Variants in CPM observed in about 807,000 individuals in gnomAD.
CPM encodes the protein carboxypeptidase M, also known as renal carboxypeptidase.
In CPM, 35 loss-of-function variants were observed where a neutral mutation model predicts 46.4. The ratio of observed to expected loss-of-function variants is 0.75; its 90% CI spans 0.58 to 1.00. The LOEUF (loss-of-function observed/expected upper bound fraction) is 1.00. Among genes scored for constraint, CPM ranks in the 50% least tolerant of loss-of-function variants. The probability of loss-of-function intolerance (pLI) is 0.00; values close to 1 mark genes in which losing one functional copy is unlikely to be tolerated. For missense variants in CPM, 422 were observed against 530.4 expected, an observed-to-expected ratio of 0.80 and a Z score of 2.01; for synonymous variants, 195 against 195.3, an observed-to-expected ratio of 1.00 and a Z score of 0.01.
chr12:68,919,636 C>T lies in CPM; in HGVS notation c.160+13042G>A, dbSNP rs114836664. Reference sequence around the variant, plus strand: ...CTTAGAAGTACATGTTCTTACAACTCGAAAGATGGCCAAGTCCAACTAAAA... The same window carrying T: ...CTTAGAAGTACATGTTCTTACAACTTGAAAGATGGCCAAGTCCAACTAAAA... On this transcript the variant is annotated intron_variant, in intron 2 of 8. Transcript: ENST00000551568. Among the ~76,000 whole-genome samples, 776 of 152,266 alleles carry T rather than the reference C, an allele frequency of 5.1e-3. 2 individuals carry two copies. Among genetic ancestry groups the T allele is most frequent in the African/African-American group, 0.016 (671 of 41,554 alleles).
At chr12:68,942,257 G>A (rs1050528986) in intron 1 of CPM, among the ~76,000 whole-genome samples, 9 of 152,142 alleles carry the variant, frequency 5.9e-5, no homozygotes, top group African/African-American at 2.2e-4. Context: ...TATTTTGGAT[G>A]TGCAACTGTA....
At chr12:68,960,340 A>G (rs1447323373) in intron 1 of CPM, among the ~76,000 whole-genome samples, 1 of 152,254 alleles carries the variant, frequency 6.6e-6, no homozygotes, top group Non-Finnish European at 1.5e-5. Context: ...ACATCCAACT[A>G]TTTAAAACTT....
chr12:68,843,440 T>C (rs1883980401), intron 5 of CPM: 4 of 229,262 alleles, frequency 1.7e-5, no homozygotes, highest in Non-Finnish European at 2.6e-5. Context: ...ACATACACCA[T>C]ATTTACAATT....
chr12:68,857,058 A>T (rs1189307140), intron 8 of CPM, among the ~76,000 whole-genome samples: 1 of 152,194 alleles, frequency 6.6e-6, no homozygotes, highest in Non-Finnish European at 1.5e-5. Flanking sequence ...TTGGATATCA[A>T]GATTATTTTC....
At position 68,885,573 on chromosome 12, in the gene CPM, AG is replaced by A. The variant is rs530428608; in HGVS notation, c.258+218del. Reference sequence around the variant, plus strand: ...CAAAACAAGCTCCAGCTACTCTGACAGGGTGCTGGGTACACAACCATACAGC... The same window carrying A: ...CAAAACAAGCTCCAGCTACTCTGACAGGTGCTGGGTACACAACCATACAGC... On this transcript the variant is annotated intron_variant, in intron 3 of 8. Coordinates refer to ENST00000551568, the MANE Select transcript of CPM (RefSeq NM_198320.5). Among the ~76,000 whole-genome samples, 31 of 152,314 alleles carry A rather than the reference AG, an allele frequency of 2.0e-4. No homozygotes were observed. The East Asian group carries it at 5.8e-3, about 29-fold the overall frequency.
At chr12:68,867,648 A>T (rs1885511635) in intron 6 of CPM, among the ~76,000 whole-genome samples, 1 of 152,204 alleles carries the variant, frequency 6.6e-6, no homozygotes, top group Non-Finnish European at 1.5e-5. Flanking sequence ...AATGACAGAC[A>T]CTGGAGTGCA....
intron 2 of CPM, among the ~76,000 whole-genome samples, chr12:68,916,377 G>A (rs984346123): frequency 2.6e-5 from 4 of 152,062 alleles, no homozygotes; most frequent in African/African-American, 7.2e-5. Flanking sequence ...TTTCTAATAA[G>A]TTTTAGACAT....
At chr12:68,895,798 T>C (rs1427069005) in intron 2 of CPM, among the ~76,000 whole-genome samples, 2 of 152,156 alleles carry the variant, frequency 1.3e-5, no homozygotes, top group African/African-American at 2.4e-5. Context: ...GTACAAAAAT[T>C]AGCTGGGTGT....
intron 1 of CPM, among the ~76,000 whole-genome samples, chr12:68,949,395 G>A (rs1432434496): frequency 6.6e-6 from 1 of 152,136 alleles, no homozygotes; most frequent in Non-Finnish European, 1.5e-5. Context: ...AAATTAAAAA[G>A]TACAGATTCT....
chr12:68,843,283 T>C (rs547510849), intron 5 of CPM: 3 of 225,954 alleles, frequency 1.3e-5, no homozygotes, highest in African/African-American at 6.9e-5. Context: ...ACTAATCCCT[T>C]TGGCCATTTA....
chr12:68,924,348 G>A (rs931281009), intron 2 of CPM, among the ~76,000 whole-genome samples: 4 of 151,842 alleles, frequency 2.6e-5, no homozygotes, highest in Non-Finnish European at 5.9e-5. Context: ...TTAGCCAGGC[G>A]CAATGGTGGG....
intron 3 of CPM, among the ~76,000 whole-genome samples, chr12:68,884,943 G>T (rs778650513): frequency 6.6e-6 from 1 of 151,998 alleles, no homozygotes; most frequent in Admixed American, 6.6e-5. Flanking sequence ...ATTTAAAATT[G>T]TGTTTTGTTT....
intron 5 of CPM, chr12:68,843,192 G>C (rs1474709405): frequency 1.3e-5 from 3 of 224,028 alleles, no homozygotes; most frequent in African/African-American, 2.2e-5. Flanking sequence ...AATGGGTACA[G>C]AGTTAAATTT....
intron 2 of CPM, among the ~76,000 whole-genome samples, chr12:68,908,442 C>T (rs1458460256): frequency 2.7e-5 from 4 of 148,658 alleles, no homozygotes; most frequent in African/African-American, 1.0e-4. Context: ...CTGGAGGTAT[C>T]TGCTAAAATT....
chr12:68,950,445 A>T lies in CPM; in HGVS notation c.-4+12724T>A, dbSNP rs943323764. Among the ~76,000 whole-genome samples the T allele has an allele frequency of 5.3e-5, 8 of 152,326 alleles. No homozygotes were observed. The South Asian group carries it at 1.0e-3, about 20-fold the overall frequency. On this transcript the variant is annotated intron_variant, in intron 1 of 8. Transcript: ENST00000546373. ...AAGGGAAATAGATTTATATTGTATC[A>T]ATTTAGCTAAACTGGAACTGGGTTT...
intron 2 of CPM, among the ~76,000 whole-genome samples, chr12:68,894,772 T>C (rs969874312): frequency 6.6e-6 from 1 of 152,088 alleles, no homozygotes; most frequent in South Asian, 2.1e-4. Flanking sequence ...TGGTGGCTCA[T>C]GCCTGTAATC....
intron 6 of CPM, among the ~76,000 whole-genome samples, chr12:68,868,088 G>C (rs1885534063): frequency 6.6e-6 from 1 of 152,170 alleles, no homozygotes; most frequent in Non-Finnish European, 1.5e-5. Context: ...ACCGTTTCTA[G>C]CTAATTTCCT....
chr12:68,898,411 T>G (rs566815506), intron 2 of CPM, among the ~76,000 whole-genome samples: 11 of 152,148 alleles, frequency 7.2e-5, no homozygotes, highest in Non-Finnish European at 1.3e-4. Context: ...AGTTTTACCC[T>G]AAAAAGCTCT....
intron 1 of CPM, chr12:68,957,517 T>A (rs1889041637): frequency 1.4e-5 from 3 of 217,430 alleles, no homozygotes; most frequent in Non-Finnish European, 2.9e-5. Context: ...ATCTTGCCTT[T>A]TTCAATGAGT....
Sources: allele counts gnomAD v4.1 joint callset (sites outside exome capture counted in the v4.1 genomes callset), GRCh38; gene constraint gnomAD v4.1.1; transcripts MANE v1.5; gene names NCBI Gene and HGNC (gene_info 2026-07-23, HGNC 2026-07-21).